NKAIN3: variants seen among roughly 807,000 people sequenced by gnomAD.
The protein encoded by NKAIN3 is sodium/potassium transporting ATPase interacting 3, also known as sodium/potassium-transporting ATPase subunit beta-1-interacting protein 3.
In NKAIN3, 25 loss-of-function variants were observed where a neutral mutation model predicts 30.2. That is an observed-to-expected ratio of 0.83 (90% confidence interval 0.60 to 1.16). NKAIN3 has a LOEUF of 1.16. Among genes scored for constraint, NKAIN3 ranks in the 50% most tolerant of loss-of-function variants. NKAIN3 has a pLI of 0.00. For missense variants in NKAIN3, 225 were observed against 254.1 expected (o/e 0.89, Z 0.78); for synonymous variants, 91 against 89.6 (o/e 1.02, Z -0.09).
chr8:62,689,931 T>G (rs1008646726), intron 3 of NKAIN3, among the ~76,000 whole-genome samples: 16 of 151,032 alleles, frequency 1.1e-4, no homozygotes, highest in African/African-American at 3.9e-4. Flanking sequence ...TTGGGCTCCT[T>G]GGCCACCGCA....
intron 1 of NKAIN3, among the ~76,000 whole-genome samples, chr8:62,263,193 T>C (rs1175692537): frequency 6.6e-6 from 1 of 152,224 alleles, no homozygotes; most frequent in African/African-American, 2.4e-5. Flanking sequence ...ATTTTTATAT[T>C]TTTAGTTATC....
chr8:62,427,078 A>T (rs554763699), intron 1 of NKAIN3, among the ~76,000 whole-genome samples: 1 of 152,172 alleles, frequency 6.6e-6, no homozygotes, highest in East Asian at 1.9e-4. Flanking sequence ...TGTCAGAGGG[A>T]GCTCAAGATG....
chr8:62,442,118 A>AT (rs1483755328), intron 1 of NKAIN3, among the ~76,000 whole-genome samples: 2 of 151,886 alleles, frequency 1.3e-5, no homozygotes, highest in East Asian at 1.9e-4. Context: ...ATTAATCTGG[A>AT]TTTTTTTCAC....
intron 3 of NKAIN3, among the ~76,000 whole-genome samples, chr8:62,654,291 A>G (rs1204901821): frequency 6.6e-6 from 1 of 152,110 alleles, no homozygotes; most frequent in Non-Finnish European, 1.5e-5. Flanking sequence ...AAAGGCAAAT[A>G]GAAAGGAAAA....
intron 4 of NKAIN3, among the ~76,000 whole-genome samples, chr8:62,796,588 A>T (rs1420590435): frequency 1.3e-5 from 2 of 151,960 alleles, no homozygotes; most frequent in African/African-American, 4.8e-5. Flanking sequence ...GTATCCAGAG[A>T]TCTGGATTTA....
At chr8:62,555,788 A>G (rs1481921630) in intron 1 of NKAIN3, among the ~76,000 whole-genome samples, 2 of 152,062 alleles carry the variant, frequency 1.3e-5, no homozygotes, top group African/African-American at 4.8e-5. Flanking sequence ...TATTGTAGTC[A>G]ATCTTCAAAA....
chr8:62,442,472 C>T (rs897374674), intron 1 of NKAIN3, among the ~76,000 whole-genome samples: 1 of 151,704 alleles, frequency 6.6e-6, no homozygotes, highest in Non-Finnish European at 1.5e-5. Context: ...GTCTATTGCC[C>T]TCCCATAGAC....
Position 62,847,122 on chromosome 8 carries a change from G to A in NKAIN3, c.472-71331G>A, listed in dbSNP as rs180703494. Among the ~76,000 whole-genome samples the A allele has an allele frequency of 1.9e-4, 29 of 152,180 alleles. 1 individual carries two copies. The highest frequency in any genetic ancestry group is 1.2e-3 in the Admixed American group (18 of 15,264). ...TTTAGGTTGATTCCATGTCTTTGCCGTTGTGAATGGTGCTGCAATGAACAC... is the reference window on the plus strand; with the variant it reads ...TTTAGGTTGATTCCATGTCTTTGCCATTGTGAATGGTGCTGCAATGAACAC... On this transcript the variant is annotated intron_variant, in intron 4 of 6. Coordinates refer to ENST00000623646, the MANE Select transcript of NKAIN3 (RefSeq NM_001304533.3).
At chr8:62,559,766 C>T (rs7843547) in intron 1 of NKAIN3, among the ~76,000 whole-genome samples, 105,392 of 151,924 alleles carry the variant, frequency 0.69, 37,102 homozygotes, top group African/African-American at 0.79. Flanking sequence ...CAACAGATGG[C>T]ATTATCAATT....
At chr8:62,996,768 G>A (rs1236012255) in intron 5 of NKAIN3, among the ~76,000 whole-genome samples, 1 of 152,182 alleles carries the variant, frequency 6.6e-6, no homozygotes, top group Non-Finnish European at 1.5e-5. Flanking sequence ...AAAACCTGAT[G>A]GGGCAGTCAT....
At chr8:62,643,704 T>C (rs909593489) in intron 3 of NKAIN3, among the ~76,000 whole-genome samples, 5 of 152,152 alleles carry the variant, frequency 3.3e-5, no homozygotes, top group Admixed American at 6.5e-5. Flanking sequence ...TGTGCTTTTG[T>C]TGCACAACAT....
chr8:62,858,036 C>CTTGTTG lies in NKAIN3; in HGVS notation c.472-60408_472-60403dup, dbSNP rs150047356. Among the ~76,000 whole-genome samples, 444 of 151,448 alleles carry CTTGTTG rather than the reference C, an allele frequency of 2.9e-3. 1 individual carries two copies. Among genetic ancestry groups the CTTGTTG allele is most frequent in the Non-Finnish European group, 4.9e-3 (331 of 67,884 alleles). On this transcript the variant is annotated intron_variant, in intron 4 of 6. Coordinates refer to ENST00000623646, the MANE Select transcript of NKAIN3 (RefSeq NM_001304533.3). ...GATGGGGTTCTCACAGGGATTTTTT[C>CTTGTTG]TTGTTGTTGTTGTTTTCTGTGTTTT...
intron 3 of NKAIN3, among the ~76,000 whole-genome samples, chr8:62,619,634 T>C (rs1215711400): frequency 1.3e-5 from 2 of 151,412 alleles, no homozygotes; most frequent in East Asian, 3.9e-4. Context: ...CAGTGTCTCC[T>C]GAGGCCTGTG....
At chr8:62,986,927 C>A (rs1443019675), downstream of NKAIN3, among the ~76,000 whole-genome samples, 1 of 152,202 alleles carries the variant, frequency 6.6e-6, no homozygotes, top group Non-Finnish European at 1.5e-5. Flanking sequence ...CTCTTACACA[C>A]AACGTGTTTT....
chr8:62,322,240 A>T (rs893200263), intron 1 of NKAIN3, among the ~76,000 whole-genome samples: 1 of 152,108 alleles, frequency 6.6e-6, no homozygotes, highest in African/African-American at 2.4e-5. Flanking sequence ...CCTTTCTTTG[A>T]CTAGGAAAGG....
intron 3 of NKAIN3, among the ~76,000 whole-genome samples, chr8:62,646,480 A>G (rs1812463580): frequency 6.6e-6 from 1 of 152,160 alleles, no homozygotes; most frequent in African/African-American, 2.4e-5. Context: ...CATAAAATAT[A>G]TCCTTATTTG....
intron 5 of NKAIN3, among the ~76,000 whole-genome samples, chr8:62,919,226 AATTTTTTTTTTTTTT>A (rs1822200341): frequency 3.4e-5 from 3 of 88,444 alleles, no homozygotes; most frequent in South Asian, 4.0e-4. Context: ...TTACTTTCAA[AATTTTTTTTTTTTTT>A]TTTTTTTTTT....
intron 4 of NKAIN3, among the ~76,000 whole-genome samples, chr8:62,843,081 T>A (rs1036399314): frequency 9.9e-5 from 15 of 151,424 alleles, no homozygotes; most frequent in African/African-American, 3.6e-4. Context: ...ATGAGAAAAA[T>A]ATTTGCAAAC....
At chr8:62,417,754 G>T (rs1804495191) in intron 1 of NKAIN3, among the ~76,000 whole-genome samples, 1 of 151,894 alleles carries the variant, frequency 6.6e-6, no homozygotes, top group Non-Finnish European at 1.5e-5. Context: ...ATGCCTGTTT[G>T]CCATTTATTT....
Sources: allele counts gnomAD v4.1 joint callset (sites outside exome capture counted in the v4.1 genomes callset), GRCh38; gene constraint gnomAD v4.1.1; transcripts MANE v1.5; gene names NCBI Gene and HGNC (gene_info 2026-07-23, HGNC 2026-07-21).